The following CYP20A1 variants were observed in gnomAD, a reference collection of about 807,000 sequenced individuals.
CYP20A1 encodes the protein cytochrome P450 family 20 subfamily A member 1.
Under a neutral mutation model 61.4 loss-of-function variants are expected in CYP20A1, and 61 were observed. The observed-to-expected ratio is 0.99, with a 90% CI of 0.81 to 1.23. The LOEUF is 1.23. CYP20A1 is among the 50% of genes most tolerant of loss of function. The probability of loss-of-function intolerance (pLI) is 0.00; values close to 1 mark genes in which losing one functional copy is unlikely to be tolerated. For missense variants in CYP20A1, 530 were observed against 542.4 expected (o/e 0.98, Z 0.23); for synonymous variants, 193 against 188.2 (o/e 1.03, Z -0.21).
chr2:203,252,591 C>T (rs1283855463), intron 4 of CYP20A1, among the ~76,000 whole-genome samples: 1 of 152,034 alleles, frequency 6.6e-6, no homozygotes, highest in Admixed American at 6.6e-5. Flanking sequence ...GGCAGGGTTT[C>T]ACCATGTTGG....
intron 5 of CYP20A1, 120 bp from the exon 6 acceptor site, chr2:203,272,550 C>CAAA (rs368688435): frequency 0.027 from 3,540 of 130,738 alleles, 51 homozygotes; most frequent in South Asian, 0.05. Context: ...AACCCTGACT[C>CAAA]AAAAAAAAAA....
intron 8 of CYP20A1, among the ~76,000 whole-genome samples, chr2:203,282,834 A>T (rs1278197210): frequency 6.6e-6 from 1 of 152,096 alleles, no homozygotes. Flanking sequence ...GCTCCAGATG[A>T]CCTTCCAAGT....
At position 203,297,419 on chromosome 2, in the gene CYP20A1, CA is replaced by C. The variant is rs2068848977; in HGVS notation, c.*512del. On this transcript the variant is annotated 3_prime_UTR_variant, in exon 13 of 13. Transcript: ENST00000356079. Reference sequence around the variant, plus strand: ...CCCCATCTCTACTAAAAATACAAAACATTGGCCGGGAGTGGTGGCTCATGCC... The same window carrying C: ...CCCCATCTCTACTAAAAATACAAAACTTGGCCGGGAGTGGTGGCTCATGCC... The C allele has an allele frequency of 6.6e-6, 1 of 152,028 alleles. No individual in the cohort carries two copies. The highest frequency in any genetic ancestry group is 2.1e-4 in the South Asian group (1 of 4,830). The allele number at this position is 152,028 out of a possible 1,614,324, so 9.4% of individuals were successfully genotyped here.
At chr2:203,296,695 A>G in intron 12 of CYP20A1, 63 bp from the exon 13 acceptor site, 1 of 1,533,984 alleles carries the variant, frequency 6.5e-7, no homozygotes, top group South Asian at 1.3e-5. Flanking sequence ...TCATGTGCAG[A>G]ACGTGCAGGT....
In CYP20A1 at chr2:203,272,669, G is replaced by A. The variant is rs1293743133; in HGVS notation, c.601-1G>A. The A allele has an allele frequency of 6.3e-7, 1 of 1,593,066 alleles. No homozygotes were observed. Among genetic ancestry groups the A allele is most frequent in the South Asian group, 1.1e-5 (1 of 87,656 alleles). On this transcript the variant is annotated splice_acceptor_variant, in intron 5 of 12. Coordinates refer to ENST00000356079, the MANE Select transcript of CYP20A1 (RefSeq NM_177538.3). LOFTEE classifies it high-confidence loss of function. ...AGTTATGTATATTTACCTATTTTCA[G>A]GTTTGGTCTGAGATTGGAAAAGGCT...
At chr2:203,257,811 G>T (rs558247593) in intron 4 of CYP20A1, among the ~76,000 whole-genome samples, 51 of 152,012 alleles carry the variant, frequency 3.4e-4, no homozygotes, top group African/African-American at 1.1e-3. Context: ...AAAAAATGTG[G>T]TTACTTAGTA....
chr2:203,276,616 C>T (rs1302025887), intron 6 of CYP20A1, among the ~76,000 whole-genome samples: 1 of 151,948 alleles, frequency 6.6e-6, no homozygotes, highest in Non-Finnish European at 1.5e-5. Context: ...AGGGAGACAC[C>T]AAGGTTTTTG....
chr2:203,245,796 G>T, intron 1 of CYP20A1, 50 bp from the exon 2 acceptor site: 1 of 1,128,702 alleles, frequency 8.9e-7, no homozygotes, highest in South Asian at 1.4e-5. Context: ...AAACACATCT[G>T]ACTTATGGGA....
intron 6 of CYP20A1, among the ~76,000 whole-genome samples, chr2:203,277,836 G>A (rs10169383): frequency 0.89 from 136,186 of 152,184 alleles, 61,764 homozygotes; most frequent in Non-Finnish European, 0.96. Context: ...TTAGAAATTT[G>A]CTTTTCTGAT....
chr2:203,279,473 A>G (rs1002089291), intron 7 of CYP20A1, among the ~76,000 whole-genome samples: 2 of 152,142 alleles, frequency 1.3e-5, no homozygotes, highest in African/African-American at 2.4e-5. Context: ...CTTGTTGACA[A>G]TACTGCCAAC....
chr2:203,272,550 C>CAAAAAAAA (rs368688435), intron 5 of CYP20A1, 120 bp from the exon 6 acceptor site: 6 of 132,364 alleles, frequency 4.5e-5, no homozygotes, highest in Admixed American at 1.5e-4. Context: ...AACCCTGACT[C>CAAAAAAAA]AAAAAAAAAA....
chr2:203,245,766 G>C, intron 1 of CYP20A1, 80 bp from the exon 2 acceptor site: 1 of 707,702 alleles, frequency 1.4e-6, no homozygotes. Flanking sequence ...ATTATTTAAG[G>C]TCCTGCAGAT....
At chr2:203,244,922 C>T (rs1388775320) in intron 1 of CYP20A1, among the ~76,000 whole-genome samples, 1 of 150,252 alleles carries the variant, frequency 6.7e-6, no homozygotes, top group East Asian at 2.0e-4. Flanking sequence ...TTAGTAGAGA[C>T]GGGGTTTCAC....
chr2:203,256,726 A>T (rs551599149), intron 4 of CYP20A1, among the ~76,000 whole-genome samples: 1 of 152,150 alleles, frequency 6.6e-6, no homozygotes, highest in South Asian at 2.1e-4. Context: ...CCGTGAAGGT[A>T]GGGACTATTT....
intron 4 of CYP20A1, among the ~76,000 whole-genome samples, chr2:203,261,808 G>C (rs2067148512): frequency 6.6e-6 from 1 of 151,770 alleles, no homozygotes; most frequent in Admixed American, 6.6e-5. Flanking sequence ...CTTTGGACCT[G>C]GTTGGAAATT....
intron 3 of CYP20A1, among the ~76,000 whole-genome samples, chr2:203,247,739 C>A (rs2066511339): frequency 6.6e-6 from 1 of 152,036 alleles, no homozygotes; most frequent in African/African-American, 2.4e-5. Flanking sequence ...TGCCTGTAGT[C>A]CCAGCTACTC....
At chr2:203,254,543 G>A (rs1338741458) in intron 4 of CYP20A1, among the ~76,000 whole-genome samples, 4 of 144,906 alleles carry the variant, frequency 2.8e-5, no homozygotes, top group African/African-American at 5.1e-5. Flanking sequence ...AGCTAGACTC[G>A]TCTCAAAAAA....
At chr2:203,251,082 AAAAG>A (rs996810902) in intron 3 of CYP20A1, among the ~76,000 whole-genome samples, 1 of 148,484 alleles carries the variant, frequency 6.7e-6, no homozygotes, top group South Asian at 2.2e-4. Flanking sequence ...AAAAAAAAAA[AAAAG>A]AGATGATAAC....
At chr2:203,253,790 CTT>C (rs2066790041) in intron 4 of CYP20A1, among the ~76,000 whole-genome samples, 1 of 151,332 alleles carries the variant, frequency 6.6e-6, no homozygotes, top group African/African-American at 2.4e-5. Flanking sequence ...AAAAATTTGT[CTT>C]TTTCTTTTTC....
Sources: allele counts gnomAD v4.1 joint callset (sites outside exome capture counted in the v4.1 genomes callset), GRCh38; gene constraint gnomAD v4.1.1; transcripts MANE v1.5; gene names NCBI Gene and HGNC (gene_info 2026-07-23, HGNC 2026-07-21).